TMEM59: variants seen among roughly 807,000 people sequenced by gnomAD.
The protein encoded by TMEM59 is transmembrane protein 59, also known as dendritic cell factor 1.
A neutral mutation model predicts 42.2 loss-of-function variants in TMEM59; 44 were observed. The ratio of observed to expected loss-of-function variants is 1.04; its 90% CI spans 0.82 to 1.34. The LOEUF (loss-of-function observed/expected upper bound fraction) is 1.34. Among genes scored for constraint, TMEM59 ranks in the 40% most tolerant of loss-of-function variants. The probability of loss-of-function intolerance (pLI) is 0.00; values close to 1 mark genes in which losing one functional copy is unlikely to be tolerated. For synonymous variants in TMEM59, 148 were observed against 145.8 expected (o/e 1.02, Z -0.11); for missense variants, 359 against 382.8 (o/e 0.94, Z 0.52).
chr1:54,047,426 C>A (rs1569964747), intron 1 of TMEM59, 54 bp from the exon 2 acceptor site: 3 of 1,389,168 alleles, frequency 2.2e-6, no homozygotes, highest in African/African-American at 1.5e-5. Context: ...TTTTTTTCCT[C>A]AGGGGAAAAC....
chr1:54,029,970 C>T lies in TMEM59; in HGVS notation c.*2180G>A, dbSNP rs1195012156. 1 of 152,084 alleles carries T rather than the reference C, an allele frequency of 6.6e-6. No individual in the cohort carries two copies. Among genetic ancestry groups the T allele is most frequent in the Admixed American group, 6.5e-5 (1 of 15,270 alleles). 9.4% of individuals were successfully genotyped at this position (152,084 alleles called of 1,614,324 possible). A position where few individuals can be genotyped will look rare whatever the true frequency, so the allele number is the denominator to read the frequency against. On this transcript the variant is annotated 3_prime_UTR_variant, in exon 8 of 8. Coordinates refer to ENST00000234831, the MANE Select transcript of TMEM59 (RefSeq NM_004872.5). ...AGTGCCTGCTAAATATCAAGAATGT[C>T]TTGGTATTTTCACATATAAGGAATT... is the stretch of plus-strand genomic sequence containing the variant.
Position 54,028,718 on chromosome 1 carries a change from C to T in TMEM59, c.*3432G>A, listed in dbSNP as rs1236972952. On this transcript the variant is annotated 3_prime_UTR_variant, in exon 8 of 8. Coordinates refer to ENST00000234831, the MANE Select transcript of TMEM59 (RefSeq NM_004872.5). ...TCCCAGAAGTCCTCCTGTGTGCTCC[C>T]ATAATGCATACAGCTCCTCCTATGT... 1 of 152,394 alleles carries T rather than the reference C, an allele frequency of 6.6e-6. No individual in the cohort carries two copies. The highest frequency in any genetic ancestry group is 1.5e-5 in the Non-Finnish European group (1 of 68,200). The allele number at this position is 152,394 out of a possible 1,614,324, so 9.4% of individuals were successfully genotyped here.
chr1:54,043,386 A>G lies in TMEM59; in HGVS notation c.530T>C (p.Ile177Thr). 1 of 1,549,502 alleles carries G rather than the reference A, an allele frequency of 6.5e-7. No individual in the cohort carries two copies. The highest frequency in any genetic ancestry group is 1.4e-5 in the African/African-American group (1 of 72,398). The change falls in exon 4 of 8, where the codon ATA (isoleucine) becomes ACA (threonine). Residue 177 changes from isoleucine (I) to threonine (T), a missense_variant. Coordinates refer to ENST00000234831, the MANE Select transcript of TMEM59 (RefSeq NM_004872.5). ...TFYLQADDGKIVIFQSKPEIQ... is the reference protein window; with the variant it reads ...TFYLQADDGKTVIFQSKPEIQ... ...CTCAGTTGTCACCTGGAATATAACT[A>G]TTTTTCCGTCATCGGCTTGAAGATA...
Position 54,032,167 on chromosome 1 carries a change from C to A in TMEM59, c.955G>T (p.Ala319Ser). The A allele has an allele frequency of 6.2e-7, 1 of 1,608,768 alleles. No homozygotes were observed. Among genetic ancestry groups the A allele is most frequent in the South Asian group, 1.1e-5 (1 of 90,304 alleles). The change falls in exon 8 of 8, where the codon GCT becomes TCT. Residue 319 changes from alanine to serine, a missense_variant. Coordinates refer to ENST00000234831, the MANE Select transcript of TMEM59 (RefSeq NM_004872.5). ...AGPLPTKVNL[A>S]HSEI ...AAAAATGCTTAAATTTCAGAATGAG[C>A]AAGATTCACTTTTGTAGGTAGAGGC...
chr1:54,035,971 A>T (rs572228967), intron 7 of TMEM59, among the ~76,000 whole-genome samples: 2 of 152,138 alleles, frequency 1.3e-5, no homozygotes, highest in African/African-American at 4.8e-5. Flanking sequence ...ATTAATTTAA[A>T]CTATTAAGTG....
rs1387215464 is a variant in TMEM59 at position 54,027,090 on chromosome 1, T to A, written c.*5060A>T. The A allele has an allele frequency of 1.3e-5, 2 of 152,244 alleles. No homozygotes were observed. Among genetic ancestry groups the A allele is most frequent in the East Asian group, 3.8e-4 (2 of 5,204 alleles). 9.4% of individuals were successfully genotyped at this position (152,244 alleles called of 1,614,324 possible). A position where few individuals can be genotyped will look rare whatever the true frequency, so the allele number is the denominator to read the frequency against. Reference sequence around the variant, plus strand: ...ACCAACTTCTAACTGAAATATAACATTTCCTTCAATTACGAATATAGGAAA... The same window carrying A: ...ACCAACTTCTAACTGAAATATAACAATTCCTTCAATTACGAATATAGGAAA... On this transcript the variant is annotated 3_prime_UTR_variant, in exon 8 of 8. Transcript: ENST00000234831.
At chr1:54,041,649 C>T in intron 5 of TMEM59, 75 bp downstream of exon 5, 1 of 1,224,466 alleles carries the variant, frequency 8.2e-7, no homozygotes, top group South Asian at 1.3e-5. Flanking sequence ...AGTGTAAAAA[C>T]AAACATGACC....
At chr1:54,051,967 T>G (rs1657556385) in intron 1 of TMEM59, among the ~76,000 whole-genome samples, 1 of 152,152 alleles carries the variant, frequency 6.6e-6, no homozygotes, top group African/African-American at 2.4e-5. Flanking sequence ...ATATGGAACA[T>G]CCTAAGCTTC....
chr1:54,043,274 G>A (rs1452599099), intron 4 of TMEM59, 99 bp downstream of exon 4: 22 of 1,054,454 alleles, frequency 2.1e-5, no homozygotes, highest in Non-Finnish European at 2.7e-5. Flanking sequence ...ATAAATATTT[G>A]TAAGTGACTG....
intron 1 of TMEM59, among the ~76,000 whole-genome samples, chr1:54,049,413 T>A (rs983903490): frequency 6.6e-6 from 1 of 152,222 alleles, no homozygotes; most frequent in Non-Finnish European, 1.5e-5. Flanking sequence ...GCATCCACAA[T>A]GTGCCAGGCA....
rs141445880 is a variant in TMEM59, at chr1:54,053,169, C to A, written c.20G>T (p.Ser7Ile). The change falls in exon 1 of 8, where the codon AGC (serine) becomes ATC (isoleucine). Residue 7 changes from serine (S) to isoleucine (I), a missense_variant. Physicochemically the swap from Ser to Ile is moderately radical, Grantham distance 142. Transcript: ENST00000234831. ...CCCCAGTTGGGTCCTCACCCAGAGG[C>A]TCCCCTTCGGCGCCGCCATCTTGTT... is the stretch of plus-strand genomic sequence containing the variant. MAAPKG[S>I]LWVRTQLGLP... 2.9e-5 allele frequency: 47 copies of A among 1,614,020 alleles called. No individual in the cohort carries two copies. The highest frequency in any genetic ancestry group is 3.7e-5 in the Non-Finnish European group (44 of 1,180,000).
intron 1 of TMEM59, among the ~76,000 whole-genome samples, chr1:54,052,670 G>A (rs534675643): frequency 2.0e-5 from 3 of 152,200 alleles, no homozygotes; most frequent in Admixed American, 6.5e-5. Context: ...CCTTAGGTGA[G>A]GACCCCGCAT....
Position 54,028,685 on chromosome 1 carries a change from T to A in TMEM59, c.*3465A>T, listed in dbSNP as rs1656676433. On this transcript the variant is annotated 3_prime_UTR_variant, in exon 8 of 8. Coordinates refer to ENST00000234831, the MANE Select transcript of TMEM59 (RefSeq NM_004872.5). ...TTTTCTCCAGGTTTAAGCTTGGCTATCACTTTCTCCCAGAAGTCCTCCTGT... is the reference window on the plus strand; with the variant it reads ...TTTTCTCCAGGTTTAAGCTTGGCTAACACTTTCTCCCAGAAGTCCTCCTGT... 6.6e-6 allele frequency: 1 copy of A among 152,570 alleles called. No individual in the cohort carries two copies. The highest frequency in any genetic ancestry group is 6.5e-5 in the Admixed American group (1 of 15,282). The allele number at this position is 152,570 out of a possible 1,614,324, so 9.5% of individuals were successfully genotyped here.
At chr1:54,053,219 T>A, upstream of TMEM59, 1 of 1,607,704 alleles carries the variant, frequency 6.2e-7, no homozygotes, top group Non-Finnish European at 8.5e-7. Context: ...CAGCTCAGCT[T>A]GTTGCTGTTT....
rs1656612234 is a variant in TMEM59 at position 54,026,786 on chromosome 1, TG to T, written c.*5363del. On this transcript the variant is annotated 3_prime_UTR_variant, in exon 8 of 8. Coordinates refer to ENST00000234831, the MANE Select transcript of TMEM59 (RefSeq NM_004872.5). ...AATAATGGTGGCATGATGGTACACC[TG>T]GAGGTAACATTATCAAGAGCTTTTG... 6.6e-6 allele frequency: 1 copy of T among 152,254 alleles called. No homozygotes were observed. The highest frequency in any genetic ancestry group is 1.5e-5 in the Non-Finnish European group (1 of 68,052). 9.4% of individuals were successfully genotyped at this position (152,254 alleles called of 1,614,324 possible).
chr1:54,040,730 T>C (rs774212463), intron 6 of TMEM59, 26 bp downstream of exon 6: 2 of 1,553,166 alleles, frequency 1.3e-6, no homozygotes, highest in Non-Finnish European at 8.9e-7. Flanking sequence ...TTATCTGTTA[T>C]ACACATAATA....
chr1:54,035,560 T>G (rs937530457), intron 7 of TMEM59, among the ~76,000 whole-genome samples: 1 of 152,176 alleles, frequency 6.6e-6, no homozygotes, highest in African/African-American at 2.4e-5. Context: ...CTCCCATCTC[T>G]TTTGGGGTTA....
rs3753418 is a variant in TMEM59, at chr1:54,037,732, G to A, written c.708-1014C>T. Among the ~76,000 whole-genome samples, 8 of 152,286 alleles carry A rather than the reference G, an allele frequency of 5.3e-5. No homozygotes were observed. In the East Asian group the frequency reaches 1.3e-3, roughly 26 times the overall value. ...TCTGCCAGCAAAAGAGGTGGACTTTGGAGAATGTATTGTATCTAAAAGCAG... is the reference window on the plus strand; with the variant it reads ...TCTGCCAGCAAAAGAGGTGGACTTTAGAGAATGTATTGTATCTAAAAGCAG... On this transcript the variant is annotated intron_variant, in intron 6 of 7. Transcript: ENST00000234831.
intron 1 of TMEM59, among the ~76,000 whole-genome samples, chr1:54,048,490 A>G (rs1657418997): frequency 6.6e-6 from 1 of 152,248 alleles, no homozygotes; most frequent in South Asian, 2.1e-4. Context: ...ACAGGCATCA[A>G]TGTATACGTG....
Sources: gnomAD v4.1 joint callset for allele counts (sites outside exome capture counted in the v4.1 genomes callset) on GRCh38, gnomAD v4.1.1 for gene constraint, MANE v1.5 for transcripts, NCBI Gene and HGNC (gene_info 2026-07-23, HGNC 2026-07-21) for gene names.